KCNK1: variants seen among roughly 807,000 people sequenced by gnomAD.
KCNK1 encodes potassium two pore domain channel subfamily K member 1.
KCNK1 carries 10 observed loss-of-function variants against 22.2 expected under a neutral mutation model. The observed-to-expected ratio is 0.45, with a 90% confidence interval of 0.28 to 0.76. KCNK1 has a LOEUF of 0.76. Ranked by LOEUF, KCNK1 falls within the 30% of genes least tolerant of loss-of-function variation. The pLI is 0.14. For missense variants in KCNK1, 378 were observed against 421.0 expected (o/e 0.90, Z 0.89); for synonymous variants, 200 against 186.4 (o/e 1.07, Z -0.60).
chr1:233,614,156 G>GGCTTTGGCT lies in KCNK1; in HGVS notation c.-14_-13insTTTGGCTGC. ...GCCGGTCTGCGGCGTTGGCCTTGGC[G>GGCTTTGGCT]GCGGCGGTGGAGAAGATGCTGCAGT... On this transcript the variant is annotated 5_prime_UTR_variant, in exon 1 of 3. Transcript: ENST00000366621. 1 of 1,076,982 alleles carries GGCTTTGGCT rather than the reference G, an allele frequency of 9.3e-7. No homozygotes were observed. The highest frequency in any genetic ancestry group is 1.3e-6 in the Non-Finnish European group (1 of 797,536). 66.7% of individuals were successfully genotyped at this position (1,076,982 alleles called of 1,614,324 possible).
intron 1 of KCNK1, among the ~76,000 whole-genome samples, chr1:233,635,471 G>A (rs1465241121): frequency 6.6e-6 from 1 of 152,084 alleles, no homozygotes; most frequent in Admixed American, 6.6e-5. Context: ...TTGAATTGTT[G>A]AGTAAAAATG....
chr1:233,628,441 C>A (rs1657727001), intron 1 of KCNK1, among the ~76,000 whole-genome samples: 1 of 152,094 alleles, frequency 6.6e-6, no homozygotes, highest in African/African-American at 2.4e-5. Flanking sequence ...TACCCCCGAA[C>A]CTAAAGTACA....
intron 1 of KCNK1, among the ~76,000 whole-genome samples, chr1:233,649,466 T>G (rs1440020848): frequency 1.3e-5 from 2 of 152,232 alleles, no homozygotes; most frequent in East Asian, 3.8e-4. Context: ...TTTCCTCTAC[T>G]CTTGCATGAA....
intron 1 of KCNK1, among the ~76,000 whole-genome samples, chr1:233,640,224 G>C (rs2102894628): frequency 6.6e-6 from 1 of 152,072 alleles, no homozygotes; most frequent in East Asian, 1.9e-4. Context: ...TTGCACCATA[G>C]ATAGTTTCTA....
At chr1:233,619,926 G>A (rs1423350995) in intron 1 of KCNK1, among the ~76,000 whole-genome samples, 5 of 139,102 alleles carry the variant, frequency 3.6e-5, no homozygotes, top group Non-Finnish European at 7.9e-5. Context: ...GAGGGGGGCG[G>A]GGGGGCGGGG....
intron 1 of KCNK1, among the ~76,000 whole-genome samples, chr1:233,616,352 C>T (rs559210932): frequency 2.0e-5 from 3 of 152,156 alleles, no homozygotes; most frequent in African/African-American, 4.8e-5. Flanking sequence ...CATGTATAGT[C>T]TTAACATCAT....
chr1:233,629,229 A>G (rs1451113819), intron 1 of KCNK1, among the ~76,000 whole-genome samples: 1 of 152,128 alleles, frequency 6.6e-6, no homozygotes, highest in East Asian at 1.9e-4. Flanking sequence ...ATTGTATGGG[A>G]CCCCATGGTA....
chr1:233,634,391 T>G (rs2102890504), intron 1 of KCNK1, among the ~76,000 whole-genome samples: 1 of 152,230 alleles, frequency 6.6e-6, no homozygotes, highest in South Asian at 2.1e-4. Flanking sequence ...TTTCACAAAC[T>G]TCACTTCTCT....
At chr1:233,657,669 AAGAAAGAAAG>A (rs1276119252) in intron 1 of KCNK1, among the ~76,000 whole-genome samples, 2 of 151,202 alleles carry the variant, frequency 1.3e-5, no homozygotes, top group African/African-American at 2.4e-5. Context: ...GACGAAAGAA[AAGAAAGAAAG>A]AGAAAGAAAA....
chr1:233,662,271 T>TCTTCTTCTTCTC (rs1553267164), intron 1 of KCNK1, among the ~76,000 whole-genome samples: 5 of 67,180 alleles, frequency 7.4e-5, no homozygotes, highest in African/African-American at 2.1e-4. Context: ...TTCTTCTTCT[T>TCTTCTTCTTCTC]CTCCTCCTCC....
intron 1 of KCNK1, among the ~76,000 whole-genome samples, chr1:233,649,705 T>A (rs1558116065): frequency 6.6e-6 from 1 of 152,102 alleles, no homozygotes. Context: ...AGGGCACTAA[T>A]CTCATTCATG....
intron 1 of KCNK1, among the ~76,000 whole-genome samples, chr1:233,635,284 G>A (rs1247654582): frequency 3.3e-5 from 5 of 152,042 alleles, no homozygotes; most frequent in East Asian, 1.9e-4. Flanking sequence ...ATGATATTTC[G>A]CTAGAAAATA....
chr1:233,638,188 C>A (rs1332148997), intron 1 of KCNK1, among the ~76,000 whole-genome samples: 2 of 152,076 alleles, frequency 1.3e-5, no homozygotes, highest in African/African-American at 2.4e-5. Context: ...ATCCTTAAAA[C>A]CGGGAGGCCT....
At chr1:233,625,769 C>T (rs6693565) in intron 1 of KCNK1, among the ~76,000 whole-genome samples, 5,151 of 152,050 alleles carry the variant, frequency 0.034, 128 homozygotes, top group Non-Finnish European at 0.047. Context: ...ATGGCACTTA[C>T]GTAAAGAGTG....
chr1:233,669,816 A>G lies in KCNK1; in HGVS notation c.752-1455A>G, dbSNP rs1269901019. ...GTCTCAAAAAATAGTAATAAGAATAATAAAGGAAAAGACACAGAGATCCAT... is the reference window on the plus strand; with the variant it reads ...GTCTCAAAAAATAGTAATAAGAATAGTAAAGGAAAAGACACAGAGATCCAT... On this transcript the variant is annotated intron_variant, in intron 2 of 2. Transcript: ENST00000366621. Among the ~76,000 whole-genome samples the G allele has an allele frequency of 2.6e-5, 4 of 152,326 alleles. No individual in the cohort carries two copies. In the East Asian group the frequency reaches 7.7e-4, roughly 29 times the overall value.
chr1:233,669,713 T>C (rs1658563446), intron 2 of KCNK1, among the ~76,000 whole-genome samples: 1 of 152,062 alleles, frequency 6.6e-6, no homozygotes, highest in Admixed American at 6.6e-5. Flanking sequence ...TGAAAATCAC[T>C]TGAACCTGGG....
At chr1:233,641,491 A>G (rs1322935054) in intron 1 of KCNK1, among the ~76,000 whole-genome samples, 1 of 152,216 alleles carries the variant, frequency 6.6e-6, no homozygotes. Context: ...AAAAATCCCA[A>G]TTTATAATGG....
chr1:233,619,064 C>A (rs145790742), intron 1 of KCNK1, among the ~76,000 whole-genome samples: 7 of 152,266 alleles, frequency 4.6e-5, no homozygotes, highest in Non-Finnish European at 8.8e-5. Flanking sequence ...CTCACTCAGT[C>A]TGGAGTGCAG....
chr1:233,655,291 G>C (rs1225343688), intron 1 of KCNK1, among the ~76,000 whole-genome samples: 1 of 152,140 alleles, frequency 6.6e-6, no homozygotes, highest in Non-Finnish European at 1.5e-5. Context: ...GAAGCCCCTT[G>C]ACTTGTTTAA....
Sources: gnomAD v4.1 joint callset for allele counts (sites outside exome capture counted in the v4.1 genomes callset) on GRCh38, gnomAD v4.1.1 for gene constraint, MANE v1.5 for transcripts, NCBI Gene and HGNC (gene_info 2026-07-23, HGNC 2026-07-21) for gene names.